Variants in MX2 observed in about 807,000 individuals in gnomAD.
The protein encoded by MX2 is MX dynamin like GTPase 2.
A neutral mutation model predicts 74.0 loss-of-function variants in MX2; 51 were observed. That is an observed-to-expected ratio of 0.69 (90% CI 0.55 to 0.87). The LOEUF (loss-of-function observed/expected upper bound fraction) is 0.87, where lower values mean the gene tolerates loss of function less well. Ranked by LOEUF, MX2 falls within the 40% of genes least tolerant of loss-of-function variation. MX2 has a pLI of 0.00. For missense variants in MX2, 832 were observed against 908.7 expected (o/e 0.92, Z 1.09); for synonymous variants, 369 against 339.3 (o/e 1.09, Z -0.96).
At chr21:41,379,779 G>A (rs1011316942) in intron 3 of MX2, among the ~76,000 whole-genome samples, 4 of 152,198 alleles carry the variant, frequency 2.6e-5, no homozygotes, top group Admixed American at 6.5e-5. Flanking sequence ...CATGTCCATC[G>A]GAGCTCAGGG....
chr21:41,381,410 G>A (rs901470845), intron 4 of MX2, among the ~76,000 whole-genome samples: 1 of 152,216 alleles, frequency 6.6e-6, no homozygotes, highest in Non-Finnish European at 1.5e-5. Context: ...TGAGGGCCAG[G>A]CGCGGTGGCT....
At chr21:41,394,159 GCC>G (rs2089700881) in intron 6 of MX2, among the ~76,000 whole-genome samples, 1 of 152,172 alleles carries the variant, frequency 6.6e-6, no homozygotes, top group African/African-American at 2.4e-5. Context: ...ATCGGGTCAT[GCC>G]CCTCTCTGTT....
intron 10 of MX2, chr21:41,401,156 G>A (rs2089807996): frequency 6.7e-6 from 1 of 148,926 alleles, no homozygotes; most frequent in African/African-American, 2.6e-5. Flanking sequence ...GATTTGGATG[G>A]GGACACAGAG....
rs571265207 is a variant in MX2 at position 41,388,977 on chromosome 21, A to G, written c.733-1588A>G. Among the ~76,000 whole-genome samples, 8 of 152,266 alleles carry G rather than the reference A, an allele frequency of 5.3e-5. No homozygotes were observed. The highest frequency in any genetic ancestry group is 1.9e-4 in the African/African-American group (8 of 41,548). On this transcript the variant is annotated intron_variant, in intron 5 of 13. Transcript: ENST00000330714. The surrounding 1 kb of genome is among the most constrained non-coding windows in gnomAD (Gnocchi z 4.0). ...CTAGGATGGCCACCATGGCAGAGTC[A>G]TCCTTCTGAATTGTCAACAGTGCTG...
intron 1 of MX2, chr21:41,374,157 C>T (rs987339610): frequency 6.6e-6 from 1 of 152,292 alleles, no homozygotes; most frequent in African/African-American, 2.4e-5. Flanking sequence ...CCTCCCACAT[C>T]CTCAGGAGGA....
intron 10 of MX2, 25 bp from the exon 11 acceptor site, chr21:41,401,945 C>G (rs1395515052): frequency 6.2e-7 from 1 of 1,604,462 alleles, no homozygotes; most frequent in Admixed American, 1.7e-5. Context: ...CAGAATTCAC[C>G]ATGGAGGTCT....
intron 1 of MX2, among the ~76,000 whole-genome samples, chr21:41,362,681 G>A (rs981047925): frequency 3.3e-5 from 5 of 150,608 alleles, no homozygotes; most frequent in Non-Finnish European, 5.9e-5. Flanking sequence ...TCTGGGGGCT[G>A]AAGTCCATTT....
At chr21:41,373,617 G>A (rs191057538) in intron 1 of MX2, among the ~76,000 whole-genome samples, 43 of 152,184 alleles carry the variant, frequency 2.8e-4, no homozygotes, top group African/African-American at 1.0e-3. Context: ...TAGCTGACTT[G>A]TTGACCATGA....
chr21:41,397,790 C>A, intron 8 of MX2, 99 bp downstream of exon 8: 2 of 952,504 alleles, frequency 2.1e-6, no homozygotes, highest in South Asian at 1.4e-5. Flanking sequence ...TCTGTCCAAA[C>A]AAGCAAACAA....
rs543995685 is a variant in MX2 at position 41,406,042 on chromosome 21, A to T, written c.1651-702A>T. On this transcript the variant is annotated intron_variant, in intron 12 of 13. Coordinates refer to ENST00000330714, the MANE Select transcript of MX2 (RefSeq NM_002463.2). ...GTTTCGCTCTTGTCGTCCAGACTGG[A>T]GTGCAATGGCATGATAGCTCACTGC... 2.7e-5 allele frequency among the ~76,000 whole-genome samples: 4 copies of T among 149,146 alleles called. No homozygotes were observed. In the East Asian group the frequency reaches 6.0e-4, roughly 22 times the overall value.
chr21:41,371,052 T>C (rs2145860034), intron 1 of MX2, among the ~76,000 whole-genome samples: 1 of 152,236 alleles, frequency 6.6e-6, no homozygotes, highest in East Asian at 1.9e-4. Flanking sequence ...CAAAAACAAG[T>C]AAATTAGAAA....
chr21:41,387,205 C>T (rs542730011), intron 5 of MX2, among the ~76,000 whole-genome samples: 13 of 152,162 alleles, frequency 8.5e-5, no homozygotes, highest in South Asian at 2.1e-4. Flanking sequence ...CCTCCCCTCC[C>T]GGTCTTCCTG....
intron 7 of MX2, among the ~76,000 whole-genome samples, chr21:41,397,296 C>T (rs1203516021): frequency 6.6e-6 from 1 of 152,192 alleles, no homozygotes; most frequent in African/African-American, 2.4e-5. Context: ...ACCATATATA[C>T]TTTTGTGATG....
chr21:41,403,218 A>G, intron 11 of MX2, 49 bp from the exon 12 acceptor site: 1 of 1,442,936 alleles, frequency 6.9e-7, no homozygotes, highest in Non-Finnish European at 9.7e-7. Context: ...TTCTGCTTGC[A>G]TTTTACTGAT....
rs796941446 is a variant in MX2 at position 41,368,151 on chromosome 21, G to A, written c.-72+6096G>A. Among the ~76,000 whole-genome samples the A allele has an allele frequency of 8.5e-5, 13 of 152,278 alleles. No individual in the cohort carries two copies. Among genetic ancestry groups the A allele is most frequent in the African/African-American group, 3.1e-4 (13 of 41,552 alleles). ...AGTGCAGCGGCTCCTGAAAGCAGAGGCCTGCACCCCTAAGCCTCTTAAGCC... is the reference window on the plus strand; with the variant it reads ...AGTGCAGCGGCTCCTGAAAGCAGAGACCTGCACCCCTAAGCCTCTTAAGCC... On this transcript the variant is annotated intron_variant, in intron 1 of 13. Transcript: ENST00000330714. The surrounding 1 kb of genome is among the most constrained non-coding windows in gnomAD (Gnocchi z 4.6).
chr21:41,407,229 G>T (rs982449287), intron 13 of MX2, among the ~76,000 whole-genome samples: 2 of 152,170 alleles, frequency 1.3e-5, no homozygotes, highest in Admixed American at 6.5e-5. Flanking sequence ...TAAAGTGGTA[G>T]AGCGTGTACT....
At chr21:41,382,071 G>A (rs940891825) in intron 4 of MX2, among the ~76,000 whole-genome samples, 3 of 152,208 alleles carry the variant, frequency 2.0e-5, no homozygotes, top group Non-Finnish European at 4.4e-5. Context: ...GAATGTTGAA[G>A]GATTTGTGGA....
chr21:41,396,540 T>C (rs548894703), intron 7 of MX2, among the ~76,000 whole-genome samples: 77 of 152,270 alleles, frequency 5.1e-4, no homozygotes, highest in African/African-American at 1.3e-3. Context: ...TCTTACAATA[T>C]GGGCCACCTT....
At chr21:41,392,024 C>T (rs1601419640) in intron 6 of MX2, among the ~76,000 whole-genome samples, 3 of 152,102 alleles carry the variant, frequency 2.0e-5, no homozygotes, top group Admixed American at 6.5e-5. Context: ...TTCCCCTCTA[C>T]GTGTTCATGT....
Sources: allele counts gnomAD v4.1 joint callset (sites outside exome capture counted in the v4.1 genomes callset), GRCh38; gene constraint gnomAD v4.1.1; non-coding constraint Gnocchi (gnomAD v3.1); transcripts MANE v1.5; gene names NCBI Gene and HGNC (gene_info 2026-07-23, HGNC 2026-07-21).